The following UBTF variants were observed in gnomAD, a reference collection of about 807,000 sequenced individuals.
The protein encoded by UBTF is nucleolar transcription factor 1.
A neutral mutation model predicts 112.3 loss-of-function variants in UBTF; 8 were observed. That is an observed-to-expected ratio of 0.07 (90% CI 0.04 to 0.13). The LOEUF (loss-of-function observed/expected upper bound fraction) is 0.13. Ranked by LOEUF, UBTF falls within the 10% of genes least tolerant of loss-of-function variation. The probability of loss-of-function intolerance (pLI) is 1.00; values close to 1 mark genes in which losing one functional copy is unlikely to be tolerated. For synonymous variants in UBTF, 417 were observed against 373.1 expected, an observed-to-expected ratio of 1.12 and a Z score of -1.36; for missense variants, 457 against 982.1, an observed-to-expected ratio of 0.47 and a Z score of 7.15.
Position 44,207,224 on chromosome 17 carries a change from C to G in UBTF, c.*18G>C, listed in dbSNP as rs1326593392. Reference sequence around the variant, plus strand: ...AGCTCCTGGGCTCTCCCTGGCTGCCCTGGGGTGGGGCTGAGCCTCAGTTGG... The same window carrying G: ...AGCTCCTGGGCTCTCCCTGGCTGCCGTGGGGTGGGGCTGAGCCTCAGTTGG... On this transcript the variant is annotated 3_prime_UTR_variant, in exon 21 of 21. Coordinates refer to ENST00000436088, the MANE Select transcript of UBTF (RefSeq NM_014233.4). The G allele has an allele frequency of 6.2e-7, 1 of 1,613,030 alleles. No homozygotes were observed. The highest frequency in any genetic ancestry group is 1.3e-5 in the African/African-American group (1 of 74,858).
At chr17:44,213,162 G>A (rs1379265379) in intron 6 of UBTF, 56 bp downstream of exon 6, 1 of 1,592,904 alleles carries the variant, frequency 6.3e-7, no homozygotes, top group Non-Finnish European at 8.6e-7. Flanking sequence ...GCCAGGGTTA[G>A]CCTATTCTGC....
At position 44,211,796 on chromosome 17, in the gene UBTF, G is replaced by A. The variant is rs1401893036; in HGVS notation, c.906-49C>T. 6 of 1,599,778 alleles carry A rather than the reference G, an allele frequency of 3.8e-6. No individual in the cohort carries two copies. The highest frequency in any genetic ancestry group is 5.1e-6 in the Non-Finnish European group (6 of 1,174,554). ...GTGCAGCCCGTAAGCGAGCAGGGCA[G>A]CAGGCCTTCTCACCTGCAGAGCCCA... On this transcript the variant is annotated intron_variant, in intron 9 of 20. Transcript: ENST00000436088. This position sits in a 1 kb window ranked among gnomAD's most constrained non-coding sequence, Gnocchi z 4.9.
rs745667177 is a variant in UBTF, at chr17:44,216,020, G to A, written c.235-31C>T. ...GGAAGAGGGGTGGGAGGAAGGGGAA[G>A]TTGGGAAAAGGAAAATGCCACACAG... is the stretch of plus-strand genomic sequence containing the variant. On this transcript the variant is annotated intron_variant, in intron 3 of 20. Coordinates refer to ENST00000436088, the MANE Select transcript of UBTF (RefSeq NM_014233.4). 6 of 1,578,512 alleles carry A rather than the reference G, an allele frequency of 3.8e-6. No homozygotes were observed. In the Admixed American group the frequency reaches 5.0e-5, roughly 13 times the overall value.
upstream of UBTF, among the ~76,000 whole-genome samples, chr17:44,220,148 AG>A (rs1299122575): frequency 7.7e-6 from 1 of 130,438 alleles, no homozygotes; most frequent in East Asian, 2.3e-4. Context: ...CTCGGAGCCT[AG>A]GCGGGCGGGC....
At chr17:44,220,831 G>T (rs1471838049), upstream of UBTF, 1 of 152,138 alleles carries the variant, frequency 6.6e-6, no homozygotes. Context: ...CGACGCCGGG[G>T]CAGCGAGTCG....
intron 17 of UBTF, among the ~76,000 whole-genome samples, chr17:44,208,412 A>C (rs1170217078): frequency 6.6e-6 from 1 of 152,194 alleles, no homozygotes; most frequent in African/African-American, 2.4e-5. Flanking sequence ...CCCAAACCCT[A>C]GTATTTCTGC....
chr17:44,217,199 T>C (rs192319292), intron 2 of UBTF, among the ~76,000 whole-genome samples: 2 of 152,254 alleles, frequency 1.3e-5, no homozygotes, highest in Non-Finnish European at 2.9e-5. Context: ...CATGCAGATG[T>C]CTCTCCTGCA....
At position 44,212,731 on chromosome 17, in the gene UBTF, C is replaced by T. The variant is rs2056773669; in HGVS notation, c.660+88G>A. 1.9e-6 allele frequency: 3 copies of T among 1,578,716 alleles called. No homozygotes were observed. In the South Asian group the frequency reaches 3.6e-5, roughly 19 times the overall value. ...TGGGGAGGGGCCTCCTCTCCTGCTC[C>T]CCTGCACCGTGCCCGGCCGACCTGG... is the stretch of plus-strand genomic sequence containing the variant. On this transcript the variant is annotated intron_variant, in intron 7 of 20. Transcript: ENST00000436088.
chr17:44,206,339 A>C lies in UBTF; in HGVS notation c.*903T>G, dbSNP rs1482298495. The C allele has an allele frequency of 6.6e-6, 1 of 151,726 alleles. No homozygotes were observed. Among genetic ancestry groups the C allele is most frequent in the African/African-American group, 2.4e-5 (1 of 41,138 alleles). 9.4% of individuals were successfully genotyped at this position (151,726 alleles called of 1,614,324 possible). A position where few individuals can be genotyped will look rare whatever the true frequency, so the allele number is the denominator to read the frequency against. ...GCCTCAGCCTGCTCCCACCAGGGTC[A>C]ACATCTCCCGGCCCTCACCGACCCT... On this transcript the variant is annotated 3_prime_UTR_variant, in exon 21 of 21. Coordinates refer to ENST00000436088, the MANE Select transcript of UBTF (RefSeq NM_014233.4).
At chr17:44,219,776 GGGA>G (rs1196735515), upstream of UBTF, 2 of 152,956 alleles carry the variant, frequency 1.3e-5, no homozygotes, top group South Asian at 1.8e-4. Context: ...CGCCGGAGCG[GGGA>G]GGAGGAGGGA....
At position 44,210,859 on chromosome 17, in the gene UBTF, T is replaced by C; in HGVS notation, c.1292A>G (p.Glu431Gly). 6.3e-7 allele frequency: 1 copy of C among 1,576,644 alleles called. No homozygotes were observed. Among genetic ancestry groups the C allele is most frequent in the South Asian group, 1.1e-5 (1 of 87,412 alleles). The stretch of plus-strand genomic sequence containing the variant: ...GCGGGTCAGCTCGCTCTCGGAGAGC[T>C]CAGGCCGCTCCTCCTGCAGCTGCCG... ...KRRQLQEERPELSESELTRLL... is the reference protein window; with the variant it reads ...KRRQLQEERPGLSESELTRLL... Residue 431 changes from glutamate (E) to glycine (G), a missense_variant, in exon 13 of 21, where the codon GAG becomes GGG. This residue lies in a region of UBTF where 108 missense variants were observed against 137.4 expected (regional missense o/e 0.79). Transcript: ENST00000436088.
intron 17 of UBTF, chr17:44,209,084 G>A (rs1351607349): frequency 8.3e-6 from 3 of 360,662 alleles, no homozygotes; most frequent in African/African-American, 6.5e-5. Flanking sequence ...AAGGAGAATC[G>A]CTTGAACCTG....
chr17:44,219,592 G>T lies in UBTF; in HGVS notation c.-215C>A. 1 of 150,508 alleles carries T rather than the reference G, an allele frequency of 6.6e-6. No individual in the cohort carries two copies. Among genetic ancestry groups the T allele is most frequent in the Non-Finnish European group, 1.3e-5 (1 of 75,578 alleles). 9.3% of individuals were successfully genotyped at this position (150,508 alleles called of 1,614,324 possible). A position where few individuals can be genotyped will look rare whatever the true frequency, so the allele number is the denominator to read the frequency against. ...TCCTCCGGGCGAGGCGGCGGCGCTG[G>T]GGCGGCGGCTGCTGCTGCTGTGGCG... On this transcript the variant is annotated 5_prime_UTR_variant, in exon 1 of 21. Coordinates refer to ENST00000436088, the MANE Select transcript of UBTF (RefSeq NM_014233.4).
At chr17:44,220,641 C>T (rs935900026), upstream of UBTF, 2 of 152,164 alleles carry the variant, frequency 1.3e-5, no homozygotes, top group Non-Finnish European at 2.9e-5. Flanking sequence ...TCCAGCCCGG[C>T]ATGGTTCTCC....
rs1226890249 is a variant in UBTF, at chr17:44,211,123, G to C, written c.1119C>G (p.Val373=). Residue 373 remains valine (V), a synonymous_variant, in exon 12 of 21, where the codon GTC becomes GTG. Transcript: ENST00000436088. This position sits in a 1 kb window ranked among gnomAD's most constrained non-coding sequence, Gnocchi z 4.9. ...ESLPEEEQQR[V]LGEEKMLNIN... ...TGTTCAGCATCTTCTCTTCCCCCAAGACCCGCTGCTGCTCCTCCTCAGGCA... is the reference window on the plus strand; with the variant it reads ...TGTTCAGCATCTTCTCTTCCCCCAACACCCGCTGCTGCTCCTCCTCAGGCA... The C allele has an allele frequency of 8.7e-6, 14 of 1,613,124 alleles. No homozygotes were observed. Among genetic ancestry groups the C allele is most frequent in the Non-Finnish European group, 1.2e-5 (14 of 1,180,024 alleles).
chr17:44,211,503 G>A lies in UBTF; in HGVS notation c.1047+103C>T. ...AGCCCAGCCCCACACTGTATTGGAGGCAGGTACCCAAGGCACACGCCACCA... is the reference window on the plus strand; with the variant it reads ...AGCCCAGCCCCACACTGTATTGGAGACAGGTACCCAAGGCACACGCCACCA... On this transcript the variant is annotated intron_variant, in intron 10 of 20. Transcript: ENST00000436088. This position sits in a 1 kb window ranked among gnomAD's most constrained non-coding sequence, Gnocchi z 4.9. 8 of 1,556,546 alleles carry A rather than the reference G, an allele frequency of 5.1e-6. No homozygotes were observed. The South Asian group carries it at 9.4e-5, about 18-fold the overall frequency.
At chr17:44,210,069 C>T (rs955241480) in intron 15 of UBTF, 55 bp downstream of exon 15, 1 of 1,590,924 alleles carries the variant, frequency 6.3e-7, no homozygotes, top group Non-Finnish European at 8.6e-7. Context: ...GCTGCCCAAC[C>T]AAAGGGGAGT....
chr17:44,208,397 G>A (rs534323036), intron 17 of UBTF, among the ~76,000 whole-genome samples: 22 of 152,284 alleles, frequency 1.4e-4, no homozygotes, highest in African/African-American at 5.3e-4. Flanking sequence ...GAGCCACTGC[G>A]CTGGCCCAAA....
rs773555115 is a variant in UBTF, at chr17:44,212,504, A to C, written c.661-50T>G. 5 of 70,322 alleles carry C rather than the reference A, an allele frequency of 7.1e-5. No individual in the cohort carries two copies. In the African/African-American group the frequency reaches 9.0e-4, roughly 13 times the overall value. The allele number at this position is 70,322 out of a possible 1,614,324, so 4.4% of individuals were successfully genotyped here. A position where few individuals can be genotyped will look rare whatever the true frequency, so the allele number is the denominator to read the frequency against. On this transcript the variant is annotated intron_variant, in intron 7 of 20. Transcript: ENST00000436088. ...CGCACAGGCAGCCAGGGGCAGGGGG[A>C]GGGGGGAAGGGGGAAGGGGGCACAG...
Sources: allele counts gnomAD v4.1 joint callset (sites outside exome capture counted in the v4.1 genomes callset), GRCh38; gene constraint gnomAD v4.1.1; regional missense constraint gnomAD v4.1.1; non-coding constraint Gnocchi (gnomAD v3.1); transcripts MANE v1.5; gene names NCBI Gene and HGNC (gene_info 2026-07-23, HGNC 2026-07-21).